Variants in SPAG16 observed in about 807,000 individuals in gnomAD.
SPAG16 encodes sperm-associated antigen 16 protein.
SPAG16 carries 86 observed loss-of-function variants against 80.4 expected under a neutral mutation model. That is an observed-to-expected ratio of 1.07 (90% CI 0.90 to 1.28). SPAG16 has a LOEUF of 1.28. SPAG16 is among the 50% of genes most tolerant of loss of function. SPAG16 has a pLI of 0.00. For synonymous variants in SPAG16, 294 were observed against 265.9 expected, an observed-to-expected ratio of 1.11 and a Z score of -1.03; for missense variants, 870 against 765.3, an observed-to-expected ratio of 1.14 and a Z score of -1.61.
At position 214,261,373 on chromosome 2, in the gene SPAG16, C is replaced by CTTCT. The variant is rs574336889; in HGVS notation, c.1720+112110_1720+112113dup. ...TTCTCTTCCTGTCCCTGGAGAAGGACTTCTTTTCTAGTCTGGCGGCTAAGA... is the reference window on the plus strand; with the variant it reads ...TTCTCTTCCTGTCCCTGGAGAAGGACTTCTTTCTTTTCTAGTCTGGCGGCTAAGA... On this transcript the variant is annotated intron_variant, in intron 15 of 15. Coordinates refer to ENST00000331683, the MANE Select transcript of SPAG16 (RefSeq NM_024532.5). 1.6e-3 allele frequency among the ~76,000 whole-genome samples: 248 copies of CTTCT among 152,214 alleles called. 2 individuals carry two copies. The highest frequency in any genetic ancestry group is 5.3e-3 in the African/African-American group (222 of 41,542).
At chr2:213,354,284 C>G (rs1294714831) in intron 7 of SPAG16, among the ~76,000 whole-genome samples, 2 of 152,166 alleles carry the variant, frequency 1.3e-5, no homozygotes, top group African/African-American at 4.8e-5. Context: ...TCCAGTCTAT[C>G]ATTGATGGAC....
At chr2:214,145,878 G>C (rs569346167) in intron 14 of SPAG16, among the ~76,000 whole-genome samples, 19 of 152,170 alleles carry the variant, frequency 1.2e-4, no homozygotes, top group African/African-American at 4.1e-4. Context: ...TTTATTCAAA[G>C]ACCAAATGTC....
rs745881998 is a variant in SPAG16 at position 213,340,290 on chromosome 2, C to T, written c.644+20C>T. The T allele has an allele frequency of 6.8e-7, 1 of 1,463,180 alleles. No individual in the cohort carries two copies. Among genetic ancestry groups the T allele is most frequent in the Non-Finnish European group, 9.5e-7 (1 of 1,057,982 alleles). 90.6% of individuals were successfully genotyped at this position (1,463,180 alleles called of 1,614,324 possible). On this transcript the variant is annotated intron_variant, in intron 6 of 15. Transcript: ENST00000331683. ...CAAAGGGTAAGCTTATACTTGTTGG[C>T]ATATTTATTAAAGAGTTATTTAATA...
At chr2:214,113,440 G>A (rs181252417) in intron 14 of SPAG16, among the ~76,000 whole-genome samples, 153 of 152,210 alleles carry the variant, frequency 1.0e-3, no homozygotes, top group East Asian at 9.9e-3. Context: ...CATTTTCCCC[G>A]TCACTTTCAG....
intron 10 of SPAG16, among the ~76,000 whole-genome samples, chr2:213,782,553 A>C (rs2070063421): frequency 6.6e-6 from 1 of 152,192 alleles, no homozygotes; most frequent in African/African-American, 2.4e-5. Flanking sequence ...TTATTCAATA[A>C]AGATAATCGA....
chr2:213,360,256 A>G (rs973318711), intron 7 of SPAG16, among the ~76,000 whole-genome samples: 5 of 152,236 alleles, frequency 3.3e-5, no homozygotes. Flanking sequence ...CAAATTCTAC[A>G]TTGTTCCTTA....
At chr2:213,493,515 A>G (rs1399878526) in intron 10 of SPAG16, among the ~76,000 whole-genome samples, 2 of 152,188 alleles carry the variant, frequency 1.3e-5, no homozygotes, top group Non-Finnish European at 2.9e-5. Context: ...CTACTCTTAC[A>G]CGATGCTTCC....
chr2:213,350,495 C>A lies in SPAG16; in HGVS notation c.645-33C>A. 4.4e-6 allele frequency: 5 copies of A among 1,137,118 alleles called. No individual in the cohort carries two copies. The South Asian group carries it at 6.7e-5, about 15-fold the overall frequency. 70.4% of individuals were successfully genotyped at this position (1,137,118 alleles called of 1,614,324 possible). ...GAAATTACTGATTTAACTCAATAACCCCTTAAGATGCTATTGACTTTATTT... is the reference window on the plus strand; with the variant it reads ...GAAATTACTGATTTAACTCAATAACACCTTAAGATGCTATTGACTTTATTT... On this transcript the variant is annotated intron_variant, in intron 6 of 15. Coordinates refer to ENST00000331683, the MANE Select transcript of SPAG16 (RefSeq NM_024532.5).
At chr2:213,354,475 G>A (rs6435771) in intron 7 of SPAG16, among the ~76,000 whole-genome samples, 148,369 of 152,308 alleles carry the variant, frequency 0.97, 72,377 homozygotes, top group East Asian at 1. Context: ...GTCTTCCACA[G>A]TGGTTGAACT....
At chr2:214,168,146 C>T (rs925293784) in intron 15 of SPAG16, among the ~76,000 whole-genome samples, 3 of 151,742 alleles carry the variant, frequency 2.0e-5, no homozygotes, top group Non-Finnish European at 2.9e-5. Context: ...TGCACCACCA[C>T]ACCCAGCTAA....
chr2:213,814,777 A>C (rs968627081), intron 10 of SPAG16, among the ~76,000 whole-genome samples: 1 of 132,128 alleles, frequency 7.6e-6, no homozygotes, highest in Non-Finnish European at 1.6e-5. Flanking sequence ...TGACACAATG[A>C]GGCTCTGTCT....
chr2:214,288,396 T>C (rs997313817), intron 15 of SPAG16, among the ~76,000 whole-genome samples: 1 of 152,222 alleles, frequency 6.6e-6, no homozygotes, highest in African/African-American at 2.4e-5. Flanking sequence ...CAAGTGCAGG[T>C]AGGTATCCCT....
chr2:213,670,957 C>A (rs897544454), intron 10 of SPAG16, among the ~76,000 whole-genome samples: 1 of 152,164 alleles, frequency 6.6e-6, no homozygotes, highest in Non-Finnish European at 1.5e-5. Flanking sequence ...TTTCCAGAGA[C>A]CTGCCCTACA....
chr2:213,451,754 G>C (rs1002121827), intron 9 of SPAG16, among the ~76,000 whole-genome samples: 3 of 152,160 alleles, frequency 2.0e-5, no homozygotes, highest in African/African-American at 7.2e-5. Flanking sequence ...GGTTAGGACC[G>C]GGTGTGCCGT....
At chr2:213,929,744 C>T (rs1169479336) in intron 11 of SPAG16, among the ~76,000 whole-genome samples, 2 of 152,092 alleles carry the variant, frequency 1.3e-5, no homozygotes, top group South Asian at 2.1e-4. Context: ...AACTGCACAG[C>T]AGCAGTTTCT....
At chr2:214,044,515 C>T (rs554222920) in intron 13 of SPAG16, among the ~76,000 whole-genome samples, 101 of 152,142 alleles carry the variant, frequency 6.6e-4, no homozygotes, top group Non-Finnish European at 3.8e-4. Flanking sequence ...CATCATCCCA[C>T]CCACAAGAAC....
At chr2:214,275,710 C>T (rs1384425459) in intron 15 of SPAG16, among the ~76,000 whole-genome samples, 1 of 152,134 alleles carries the variant, frequency 6.6e-6, no homozygotes, top group East Asian at 1.9e-4. Flanking sequence ...GCTTTACTTC[C>T]AACTATGTGG....
chr2:213,988,995 C>T (rs1475229518), intron 12 of SPAG16, among the ~76,000 whole-genome samples: 1 of 152,056 alleles, frequency 6.6e-6, no homozygotes, highest in Non-Finnish European at 1.5e-5. Context: ...GTAGGCAGTG[C>T]AAGGCTGTGC....
chr2:214,202,971 A>T (rs1438989307), intron 15 of SPAG16, among the ~76,000 whole-genome samples: 4 of 152,210 alleles, frequency 2.6e-5, no homozygotes, highest in African/African-American at 7.2e-5. Flanking sequence ...GTACAAAAAA[A>T]ATCTAAAGTT....
Sources: allele counts gnomAD v4.1 joint callset (sites outside exome capture counted in the v4.1 genomes callset), GRCh38; gene constraint gnomAD v4.1.1; transcripts MANE v1.5; gene names NCBI Gene and HGNC (gene_info 2026-07-23, HGNC 2026-07-21).